The following PGD variants were observed in gnomAD, a reference collection of about 807,000 sequenced individuals.
PGD encodes the protein phosphogluconate dehydrogenase.
A neutral mutation model predicts 60.4 loss-of-function variants in PGD; 21 were observed. The ratio of observed to expected loss-of-function variants is 0.35; its 90% confidence interval spans 0.25 to 0.50. PGD has a LOEUF of 0.50. Ranked by LOEUF, PGD falls within the 20% of genes least tolerant of loss-of-function variation. The probability of loss-of-function intolerance (pLI) is 0.98; values close to 1 mark genes in which losing one functional copy is unlikely to be tolerated. For synonymous variants in PGD, 230 were observed against 235.9 expected (o/e 0.97, Z 0.23); for missense variants, 477 against 613.1 (o/e 0.78, Z 2.34).
At chr1:10,400,199 G>T (rs954986041) in intron 2 of PGD, among the ~76,000 whole-genome samples, 194 bp from the exon 3 acceptor site, 1 of 152,188 alleles carries the variant, frequency 6.6e-6, no homozygotes, top group Non-Finnish European at 1.5e-5. Context: ...CCTTCGCCTC[G>T]GTTGTCCGCC....
At chr1:10,399,467 C>T in intron 1 of PGD, 162 bp from the exon 2 acceptor site, 1 of 544,944 alleles carries the variant, frequency 1.8e-6, no homozygotes, top group Non-Finnish European at 3.0e-6. Context: ...CCTGCCCGGC[C>T]GAGGCTCTGC....
intron 5 of PGD, among the ~76,000 whole-genome samples, chr1:10,405,794 C>A (rs2102389061): frequency 6.6e-6 from 1 of 152,076 alleles, no homozygotes; most frequent in Admixed American, 6.5e-5. Context: ...CGAGATCTCA[C>A]CACTGCACTC....
chr1:10,401,429 G>A (rs1639314560), intron 3 of PGD, among the ~76,000 whole-genome samples: 1 of 152,214 alleles, frequency 6.6e-6, no homozygotes, highest in South Asian at 2.1e-4. Flanking sequence ...TGTAAGCAGT[G>A]CAGTGATAGC....
intron 8 of PGD, among the ~76,000 whole-genome samples, chr1:10,416,402 T>G (rs1639595100): frequency 6.6e-6 from 1 of 152,254 alleles, no homozygotes. Context: ...GAGCTTCTTA[T>G]AAAAGTTCCT....
At position 10,408,142 on chromosome 1, in the gene PGD, C is replaced by CAGGCCACTTCGTG; in HGVS notation, c.519+3_519+4insGGCCACTTCGTGA. ...ACTGGAGAACCCTGCTGTGACTGGG[C>CAGGCCACTTCGTG]AAGTTCTGGGCTACTCTTTAAAGCC... is the stretch of plus-strand genomic sequence containing the variant. On this transcript the variant is annotated splice_region_variant and intron_variant, in intron 6 of 12. Coordinates refer to ENST00000270776, the MANE Select transcript of PGD (RefSeq NM_002631.4). The CAGGCCACTTCGTG allele has an allele frequency of 2.6e-6, 4 of 1,567,302 alleles. No homozygotes were observed. The highest frequency in any genetic ancestry group is 3.5e-6 in the Non-Finnish European group (4 of 1,137,172).
In PGD at chr1:10,400,378, C is replaced by A. The variant is rs758213713; in HGVS notation, c.85-15C>A. On this transcript the variant is annotated splice_polypyrimidine_tract_variant and intron_variant, in intron 2 of 12. Coordinates refer to ENST00000270776, the MANE Select transcript of PGD (RefSeq NM_002631.4). ...TGTGTCCTGGATCTCCTACTCAGGA[C>A]TTTTGTCCTTCTAGGTCTGTGCTTT... The A allele has an allele frequency of 1.3e-6, 2 of 1,599,212 alleles. No individual in the cohort carries two copies. Among genetic ancestry groups the A allele is most frequent in the East Asian group, 2.2e-5 (1 of 44,774 alleles).
chr1:10,400,552 G>C lies in PGD; in HGVS notation c.244G>C (p.Asp82His), dbSNP rs147995269. The C allele has an allele frequency of 4.8e-5, 77 of 1,613,548 alleles. No individual in the cohort carries two copies. The highest frequency in any genetic ancestry group is 3.3e-4 in the Middle Eastern group (2 of 6,084). The change falls in exon 3 of 13, where the codon GAT becomes CAT. Residue 82 changes from aspartate (D) to histidine (H), a missense_variant. Coordinates refer to ENST00000270776, the MANE Select transcript of PGD (RefSeq NM_002631.4). The part of the protein sequence containing the change: ...ILLVKAGQAV[D>H]DFIEKLVPLL... ...CCTGGTGAAGGCTGGGCAAGCTGTGGATGATTTCATCGAGAAATTGGTGAG... is the reference window on the plus strand; with the variant it reads ...CCTGGTGAAGGCTGGGCAAGCTGTGCATGATTTCATCGAGAAATTGGTGAG...
In PGD at chr1:10,400,480, C is replaced by G. The variant is rs1639296337; in HGVS notation, c.172C>G (p.Leu58Val). The G allele has an allele frequency of 6.2e-7, 1 of 1,613,806 alleles. No individual in the cohort carries two copies. The highest frequency in any genetic ancestry group is 1.3e-5 in the African/African-American group (1 of 74,878). The change falls in exon 3 of 13, where the codon CTG becomes GTG. Residue 58 changes from leucine (L) to valine (V), a missense_variant. This residue lies in a region of PGD where 431 missense variants were observed against 556.6 expected (regional missense o/e 0.77). Coordinates refer to ENST00000270776, the MANE Select transcript of PGD (RefSeq NM_002631.4). ...AACCAAAGTGGTGGGTGCCCAGTCC[C>G]TGAAAGAGATGGTCTCCAAGCTGAA... ...KGTKVVGAQSLKEMVSKLKKP... is the reference protein window; with the variant it reads ...KGTKVVGAQSVKEMVSKLKKP...
In PGD at chr1:10,420,432, G is replaced by A. The variant is rs534025238; in HGVS notation, c.*683G>A. Among the ~76,000 whole-genome samples, 2 of 128,728 alleles carry A rather than the reference G, an allele frequency of 1.6e-5. No individual in the cohort carries two copies. Among genetic ancestry groups the A allele is most frequent in the African/African-American group, 5.8e-5 (2 of 34,624 alleles). 84.5% of individuals were successfully genotyped at this position (128,728 alleles called of 152,430 possible). On this transcript the variant is annotated 3_prime_UTR_variant, in exon 13 of 13. Coordinates refer to ENST00000270776, the MANE Select transcript of PGD (RefSeq NM_002631.4). The stretch of plus-strand genomic sequence containing the variant: ...TTTTTTTGCTCCTGGCAAGCTGTGC[G>A]TGACATTCTTTATGGCTTTTTGTAT...
intron 1 of PGD, 70 bp from the exon 2 acceptor site, chr1:10,399,559 A>AC: frequency 7.2e-7 from 1 of 1,381,170 alleles, no homozygotes; most frequent in South Asian, 1.2e-5. Flanking sequence ...ATGTGGAAGG[A>AC]CCGGACCCCT....
At chr1:10,413,280 T>A (rs769331149) in intron 8 of PGD, 29 bp downstream of exon 8, 2 of 1,582,256 alleles carry the variant, frequency 1.3e-6, no homozygotes, top group South Asian at 2.2e-5. Context: ...CATGGGCCCT[T>A]TCGTCCACTA....
At chr1:10,408,003 G>A (rs1387285618) in intron 5 of PGD, 68 bp from the exon 6 acceptor site, 1 of 891,820 alleles carries the variant, frequency 1.1e-6, no homozygotes. Flanking sequence ...GGGTATGTTG[G>A]TGTCTATGGG....
chr1:10,417,772 C>G (rs1244217259), intron 10 of PGD, among the ~76,000 whole-genome samples: 1 of 152,032 alleles, frequency 6.6e-6, no homozygotes, highest in Non-Finnish European at 1.5e-5. Context: ...TGCCATGATG[C>G]GATCTTGACT....
Position 10,402,617 on chromosome 1 carries a change from G to A in PGD, c.265-454G>A, listed in dbSNP as rs554248026. 2.0e-5 allele frequency among the ~76,000 whole-genome samples: 3 copies of A among 151,776 alleles called. No homozygotes were observed. The East Asian group carries it at 5.9e-4, about 30-fold the overall frequency. On this transcript the variant is annotated intron_variant, in intron 3 of 12. Transcript: ENST00000270776. Reference sequence around the variant, plus strand: ...AGCTCACTGCAAGCTCCACCTCCCGGGTTCACGCCATTCTCCTGCCTCAGC... The same window carrying A: ...AGCTCACTGCAAGCTCCACCTCCCGAGTTCACGCCATTCTCCTGCCTCAGC...
At chr1:10,415,046 G>C (rs1399170990) in intron 8 of PGD, among the ~76,000 whole-genome samples, 1 of 150,992 alleles carries the variant, frequency 6.6e-6, no homozygotes, top group Admixed American at 6.6e-5. Flanking sequence ...GGCTGAGATC[G>C]CACCACTGCA....
chr1:10,412,894 ACT>A, intron 7 of PGD, 166 bp from the exon 8 acceptor site: 1 of 590,842 alleles, frequency 1.7e-6, no homozygotes, highest in South Asian at 2.1e-5. Flanking sequence ...AACACAACTG[ACT>A]CTGGGTTAGC....
intron 1 of PGD, 110 bp from the exon 2 acceptor site, chr1:10,399,519 A>T (rs1372218574): frequency 3.1e-6 from 3 of 965,788 alleles, no homozygotes; most frequent in Non-Finnish European, 4.8e-6. Context: ...GGAGGCGCGG[A>T]GGAAAGTGCA....
chr1:10,417,397 A>G lies in PGD; in HGVS notation c.997A>G (p.Ile333Val), dbSNP rs1639615198. The G allele has an allele frequency of 6.2e-7, 1 of 1,612,246 alleles. No individual in the cohort carries two copies. ...IRKALYASKI[I>V]SYAQGFMLLR... ...TTAGGCACTCTACGCTTCCAAGATC[A>G]TCTCTTACGCTCAAGGCTTTATGCT... The change falls in exon 10 of 13, where the codon ATC becomes GTC. Residue 333 changes from isoleucine (I) to valine (V), a missense_variant. By Grantham distance (29) the Ile-to-Val change is conservative (BLOSUM62 3). Transcript: ENST00000270776.
In PGD at chr1:10,417,035, T is replaced by G. The variant is rs149004719; in HGVS notation, c.893T>G (p.Ile298Ser). Residue 298 changes from isoleucine (I) to serine (S), a missense_variant, in exon 9 of 13, where the codon ATT becomes AGT. Transcript: ENST00000270776. ...RCLSSLKDER[I>S]QASKKLKGPQ... is the part of the protein sequence containing the mutation. Reference sequence around the variant, plus strand: ...TTATCATCTCTGAAGGATGAGAGAATTCAAGCTAGCAAAAAGCTGAAGGGT... The same window carrying G: ...TTATCATCTCTGAAGGATGAGAGAAGTCAAGCTAGCAAAAAGCTGAAGGGT... 1.9e-6 allele frequency: 3 copies of G among 1,613,856 alleles called. No individual in the cohort carries two copies. The African/African-American group carries it at 4.0e-5, about 22-fold the overall frequency.
Sources: allele counts gnomAD v4.1 joint callset (sites outside exome capture counted in the v4.1 genomes callset), GRCh38; gene constraint gnomAD v4.1.1; regional missense constraint gnomAD v4.1.1; transcripts MANE v1.5; gene names NCBI Gene and HGNC (gene_info 2026-07-23, HGNC 2026-07-21).